OSBPL2: variants seen among roughly 807,000 people sequenced by gnomAD.
OSBPL2 encodes the protein oxysterol-binding protein-related protein 2.
Under a neutral mutation model 58.4 loss-of-function variants are expected in OSBPL2, and 18 were observed. The ratio of observed to expected loss-of-function variants is 0.31; its 90% CI spans 0.21 to 0.46. OSBPL2 has a LOEUF of 0.46. OSBPL2 is among the 20% of genes least tolerant of loss of function. The pLI is 1.00. For synonymous variants in OSBPL2, 221 were observed against 234.1 expected (o/e 0.94, Z 0.51); for missense variants, 461 against 616.5 (o/e 0.75, Z 2.67).
At position 62,294,131 on chromosome 20, in the gene OSBPL2, G is replaced by C; in HGVS notation, c.*244G>C. Reference sequence around the variant, plus strand: ...ATCGTCTTCATTAAGGTTTCAACAGGGAAATTCTTCACGGCGCCCTTTTAT... The same window carrying C: ...ATCGTCTTCATTAAGGTTTCAACAGCGAAATTCTTCACGGCGCCCTTTTAT... On this transcript the variant is annotated 3_prime_UTR_variant, in exon 14 of 14. Transcript: ENST00000313733. The C allele has an allele frequency of 1.8e-6, 1 of 564,402 alleles. No individual in the cohort carries two copies. Among genetic ancestry groups the C allele is most frequent in the East Asian group, 3.3e-5 (1 of 29,970 alleles). The allele number at this position is 564,402 out of a possible 1,614,324, so 35.0% of individuals were successfully genotyped here.
intron 11 of OSBPL2, 101 bp from the exon 12 acceptor site, chr20:62,289,106 G>A (rs1235253936): frequency 7.3e-7 from 1 of 1,364,846 alleles, no homozygotes; most frequent in Non-Finnish European, 1.0e-6. Flanking sequence ...GTGGCAGTCA[G>A]GTAGCACCTG....
At chr20:62,276,285 T>C (rs560452874) in intron 6 of OSBPL2, among the ~76,000 whole-genome samples, 1 of 152,228 alleles carries the variant, frequency 6.6e-6, no homozygotes, top group Non-Finnish European at 1.5e-5. Flanking sequence ...TGGACTCTTT[T>C]CCAGTGTGTA....
chr20:62,282,189 G>A (rs1005652847), intron 9 of OSBPL2: 4 of 230,816 alleles, frequency 1.7e-5, no homozygotes, highest in Admixed American at 5.0e-5. Context: ...GGACTGTTTC[G>A]CAGCAGAGCT....
At chr20:62,268,049 A>ATTTTTTT (rs149417240) in intron 4 of OSBPL2, among the ~76,000 whole-genome samples, 6 of 116,186 alleles carry the variant, frequency 5.2e-5, no homozygotes, top group Non-Finnish European at 1.1e-4. Flanking sequence ...TGCCCGGCTA[A>ATTTTTTT]TTTTTTTTTT....
At chr20:62,272,383 G>T (rs950922317) in intron 5 of OSBPL2, 124 bp downstream of exon 5, 2 of 1,043,792 alleles carry the variant, frequency 1.9e-6, no homozygotes, top group African/African-American at 1.6e-5. Context: ...AGTGTTCAGT[G>T]CCATCCTGCC....
At chr20:62,257,393 T>C (rs184572581) in intron 2 of OSBPL2, among the ~76,000 whole-genome samples, 52 of 152,350 alleles carry the variant, frequency 3.4e-4, no homozygotes, top group Non-Finnish European at 3.7e-4. Context: ...ATGCGCTCCT[T>C]ACCGGCTTCA....
At chr20:62,241,575 G>A (rs146886821) in intron 1 of OSBPL2, among the ~76,000 whole-genome samples, 3 of 152,372 alleles carry the variant, frequency 2.0e-5, no homozygotes, top group Non-Finnish European at 2.9e-5. Context: ...CACAGCTGGC[G>A]CCGTGCCTTC....
intron 2 of OSBPL2, chr20:62,258,844 T>G (rs3787434): frequency 0.42 from 63,869 of 152,110 alleles, 13,485 homozygotes; most frequent in Middle Eastern, 0.47. Flanking sequence ...ATGTTGATTT[T>G]GGGACAGAGA....
At chr20:62,256,794 AAGGGCAGGCGGGGCTGGC>A (rs1980952058) in intron 2 of OSBPL2, among the ~76,000 whole-genome samples, 1 of 152,224 alleles carries the variant, frequency 6.6e-6, no homozygotes, top group Non-Finnish European at 1.5e-5. Flanking sequence ...GGCTAGAGGA[AAGGGCAGGCGGGGCTGGC>A]AGCTTGGCCT....
At position 62,289,012 on chromosome 20, in the gene OSBPL2, C is replaced by T. The variant is rs3746656; in HGVS notation, c.1126-195C>T. On this transcript the variant is annotated intron_variant, in intron 11 of 13. Transcript: ENST00000313733. Reference sequence around the variant, plus strand: ...TACCTCAAAATGCAAACGTTACAGCCGCAGTGCATGATACGTGCTTAGTGA... The same window carrying T: ...TACCTCAAAATGCAAACGTTACAGCTGCAGTGCATGATACGTGCTTAGTGA... Among the ~76,000 whole-genome samples the T allele has an allele frequency of 0.075, 11,343 of 152,172 alleles. 575 individuals carry two copies. The highest frequency in any genetic ancestry group is 0.16 in the East Asian group (840 of 5,186).
In OSBPL2 at chr20:62,250,551, T is replaced by G. The variant is rs185646388; in HGVS notation, c.-128-5506T>G. ...TTGTGTCTGGCATCTTAATCCTCAT[T>G]TTAAAGATTTCCCATAAGCTGTGAT... On this transcript the variant is annotated intron_variant, in intron 1 of 13. Transcript: ENST00000313733. 1.2e-3 allele frequency among the ~76,000 whole-genome samples: 185 copies of G among 152,280 alleles called. 2 individuals carry two copies. Among genetic ancestry groups the G allele is most frequent in the Admixed American group, 3.8e-3 (58 of 15,296 alleles).
Position 62,281,846 on chromosome 20 carries a change from T to A in OSBPL2, c.839T>A (p.Leu280His). ...FKPCGLFGKE[L>H]HKVEGHIQDK... ...CCGTGTGGATTATTTGGAAAAGAAC[T>A]TCACAAGGTGGAAGGACACATTCAA... The change falls in exon 9 of 14, where the codon CTT (leucine) becomes CAT (histidine). Residue 280 changes from leucine (L) to histidine (H), a missense_variant. This residue lies in a region of OSBPL2 where 319 missense variants were observed against 419.2 expected (regional missense o/e 0.76). Transcript: ENST00000313733. 6.2e-7 allele frequency: 1 copy of A among 1,612,628 alleles called. No individual in the cohort carries two copies. Among genetic ancestry groups the A allele is most frequent in the Non-Finnish European group, 8.5e-7 (1 of 1,178,672 alleles).
intron 1 of OSBPL2, chr20:62,239,032 A>G (rs1979533532): frequency 6.6e-6 from 1 of 151,160 alleles, no homozygotes; most frequent in African/African-American, 2.4e-5. Flanking sequence ...GGGAACAGGG[A>G]AGGATTTCGT....
chr20:62,272,103 C>T (rs745412004), intron 4 of OSBPL2, 22 bp from the exon 5 acceptor site: 49 of 1,612,652 alleles, frequency 3.0e-5, no homozygotes, highest in South Asian at 9.9e-5. Context: ...CAGTAACCAG[C>T]GAGTCTTCCC....
At chr20:62,265,884 TGAGG>T (rs1981629810) in intron 4 of OSBPL2, among the ~76,000 whole-genome samples, 1 of 152,146 alleles carries the variant, frequency 6.6e-6, no homozygotes, top group African/African-American at 2.4e-5. Flanking sequence ...TCAGGAAAGC[TGAGG>T]GAAGAGGATT....
intron 12 of OSBPL2, 161 bp from the exon 13 acceptor site, chr20:62,291,542 T>G: frequency 2.8e-6 from 2 of 702,508 alleles, no homozygotes; most frequent in Non-Finnish European, 5.1e-6. Context: ...CGCTGTGGCC[T>G]CGGCAACTGT....
At chr20:62,292,199 G>T (rs1261493060) in intron 13 of OSBPL2, among the ~76,000 whole-genome samples, 2 of 152,236 alleles carry the variant, frequency 1.3e-5, no homozygotes, top group Non-Finnish European at 2.9e-5. Flanking sequence ...AGAAAATGTT[G>T]CCTGAATGTG....
At chr20:62,238,758 C>G (rs1601136969) in intron 1 of OSBPL2, among the ~76,000 whole-genome samples, 161 bp downstream of exon 1, 1 of 151,220 alleles carries the variant, frequency 6.6e-6, no homozygotes, top group Non-Finnish European at 1.5e-5. Flanking sequence ...GCCCCGGCCT[C>G]GACCCCCACT....
intron 1 of OSBPL2, among the ~76,000 whole-genome samples, chr20:62,243,484 G>A (rs955625149): frequency 2.6e-5 from 4 of 151,590 alleles, no homozygotes; most frequent in African/African-American, 4.8e-5. Flanking sequence ...CGGCAGCTCC[G>A]CCTCTTCAGT....
Sources: gnomAD v4.1 joint callset for allele counts (sites outside exome capture counted in the v4.1 genomes callset) on GRCh38, gnomAD v4.1.1 for gene constraint, gnomAD v4.1.1 regional missense constraint, MANE v1.5 for transcripts, NCBI Gene and HGNC (gene_info 2026-07-23, HGNC 2026-07-21) for gene names.